SPATA17: variants seen among roughly 807,000 people sequenced by gnomAD.
SPATA17 encodes spermatogenesis associated 17.
A neutral mutation model predicts 62.2 loss-of-function variants in SPATA17; 53 were observed. The observed-to-expected ratio is 0.85, with a 90% CI of 0.68 to 1.07. The LOEUF is 1.07. Among genes scored for constraint, SPATA17 ranks in the 50% least tolerant of loss-of-function variants. SPATA17 has a pLI of 0.00. For synonymous variants in SPATA17, 146 were observed against 146.8 expected, an observed-to-expected ratio of 0.99 and a Z score of 0.04; for missense variants, 466 against 425.5, an observed-to-expected ratio of 1.10 and a Z score of -0.84.
At chr1:217,777,653 C>T (rs1015199714) in intron 7 of SPATA17, among the ~76,000 whole-genome samples, 18 of 152,124 alleles carry the variant, frequency 1.2e-4, no homozygotes, top group African/African-American at 4.1e-4. Flanking sequence ...CTGCCTGTCT[C>T]GGCCTCCTAA....
intron 6 of SPATA17, among the ~76,000 whole-genome samples, chr1:217,754,322 A>G (rs1558036770): frequency 6.6e-6 from 1 of 152,196 alleles, no homozygotes; most frequent in Non-Finnish European, 1.5e-5. Context: ...ATTGGTTAGA[A>G]GAGATTAAGC....
intron 5 of SPATA17, 84 bp downstream of exon 5, chr1:217,683,445 A>ATT (rs71301099): frequency 7.7e-6 from 7 of 907,428 alleles, no homozygotes; most frequent in South Asian, 1.4e-5. Flanking sequence ...AGTTAGAAAT[A>ATT]TTTTTTTGTT....
chr1:217,759,480 A>T (rs10863345), intron 6 of SPATA17, among the ~76,000 whole-genome samples: 37,157 of 151,916 alleles, frequency 0.24, 4,901 homozygotes, highest in East Asian at 0.52. Context: ...GAAAAAGTAG[A>T]TGAGTACCAC....
rs376189642 is a variant in SPATA17, at chr1:217,714,116, G to A, written c.396-27859G>A. ...TTTTTGAGAACCATCGGCTGGGCAC[G>A]GTGGCTCACGCCTATAATCCCAGCA... is the stretch of plus-strand genomic sequence containing the variant. On this transcript the variant is annotated intron_variant, in intron 5 of 10. Transcript: ENST00000366933. Among the ~76,000 whole-genome samples, 18 of 152,244 alleles carry A rather than the reference G, an allele frequency of 1.2e-4. No individual in the cohort carries two copies. In the South Asian group the frequency reaches 1.7e-3, roughly 14 times the overall value.
At chr1:217,738,191 A>G (rs1672554848) in intron 5 of SPATA17, among the ~76,000 whole-genome samples, 1 of 152,178 alleles carries the variant, frequency 6.6e-6, no homozygotes, top group Non-Finnish European at 1.5e-5. Context: ...CCCTCAGAGT[A>G]GTAGGTGGAG....
intron 9 of SPATA17, among the ~76,000 whole-genome samples, chr1:217,830,853 G>A (rs1675125319): frequency 6.6e-6 from 1 of 152,084 alleles, no homozygotes; most frequent in African/African-American, 2.4e-5. Context: ...AAGTTAAAAG[G>A]TTAACAAATG....
rs1257064855 is a variant in SPATA17, at chr1:217,695,910, G to T, written c.395+12549G>T. ...GCTCTCTTCAAAGCTGTCAGACAGGGACATTTAAGTCTGCAGAGGTTACTG... is the reference window on the plus strand; with the variant it reads ...GCTCTCTTCAAAGCTGTCAGACAGGTACATTTAAGTCTGCAGAGGTTACTG... On this transcript the variant is annotated intron_variant, in intron 5 of 10. Coordinates refer to ENST00000366933, the MANE Select transcript of SPATA17 (RefSeq NM_138796.4). Among the ~76,000 whole-genome samples the T allele has an allele frequency of 5.1e-5, 7 of 138,286 alleles. No individual in the cohort carries two copies. The South Asian group carries it at 1.7e-3, about 34-fold the overall frequency. The allele number at this position is 138,286 out of a possible 152,430, so 90.7% of individuals were successfully genotyped here. A position where few individuals can be genotyped will look rare whatever the true frequency, so the allele number is the denominator to read the frequency against.
intron 5 of SPATA17, among the ~76,000 whole-genome samples, chr1:217,693,580 TG>T (rs1405509183): frequency 7.9e-6 from 1 of 127,248 alleles, no homozygotes; most frequent in African/African-American, 3.0e-5. Context: ...TTAATTGTGA[TG>T]TTACGGTGTC....
At chr1:217,749,524 A>T (rs1020423760) in intron 6 of SPATA17, among the ~76,000 whole-genome samples, 2 of 151,786 alleles carry the variant, frequency 1.3e-5, no homozygotes, top group African/African-American at 4.8e-5. Flanking sequence ...AACTATCCCC[A>T]GTTATCCAGG....
At position 217,774,547 on chromosome 1, in the gene SPATA17, T is replaced by A; in HGVS notation, c.723+10T>A. On this transcript the variant is annotated intron_variant, in intron 7 of 10. Coordinates refer to ENST00000366933, the MANE Select transcript of SPATA17 (RefSeq NM_138796.4). ...TAGAAAGCAATGTCAGGTACTAGTT[T>A]GCTGTATAAGAATTCTGTCATTAAT... 2 of 1,610,374 alleles carry A rather than the reference T, an allele frequency of 1.2e-6. No individual in the cohort carries two copies. Among genetic ancestry groups the A allele is most frequent in the Non-Finnish European group, 1.7e-6 (2 of 1,177,382 alleles).
At chr1:217,774,571 A>T in intron 7 of SPATA17, 34 bp downstream of exon 7, 1 of 1,583,142 alleles carries the variant, frequency 6.3e-7, no homozygotes, top group African/African-American at 1.4e-5. Flanking sequence ...TCTGTCATTA[A>T]TTTTATTCTT....
At chr1:217,805,078 G>T (rs923673979) in intron 9 of SPATA17, among the ~76,000 whole-genome samples, 1 of 152,156 alleles carries the variant, frequency 6.6e-6, no homozygotes, top group Non-Finnish European at 1.5e-5. Flanking sequence ...GATATCTGCA[G>T]CCCCATGTTT....
chr1:217,850,104 T>A lies in SPATA17; in HGVS notation c.1006-12670T>A, dbSNP rs112539030. On this transcript the variant is annotated intron_variant, in intron 9 of 10. Transcript: ENST00000366933. ...AATGCGGGGAGGTGGGATGCATTTC[T>A]GAGAGGATGAGACAGGGCAAGAAAT... 6.4e-3 allele frequency among the ~76,000 whole-genome samples: 967 copies of A among 152,274 alleles called. 5 individuals are homozygous for A. Among genetic ancestry groups the A allele is most frequent in the African/African-American group, 0.022 (902 of 41,576 alleles).
chr1:217,724,995 G>A (rs1415844985), intron 5 of SPATA17, among the ~76,000 whole-genome samples: 1 of 151,934 alleles, frequency 6.6e-6, no homozygotes, highest in African/African-American at 2.4e-5. Context: ...TTCTTTATAT[G>A]GTTATATTTA....
intron 8 of SPATA17, among the ~76,000 whole-genome samples, chr1:217,791,921 G>A (rs1443099304): frequency 3.3e-5 from 5 of 152,102 alleles, no homozygotes; most frequent in Non-Finnish European, 7.4e-5. Context: ...TGGTAATGGA[G>A]GGTAGAGAAA....
intron 9 of SPATA17, among the ~76,000 whole-genome samples, chr1:217,825,422 A>G (rs1157112619): frequency 4.6e-5 from 7 of 151,976 alleles, no homozygotes; most frequent in Middle Eastern, 3.4e-3. Flanking sequence ...TTTTATACAG[A>G]ACACTCATTG....
intron 9 of SPATA17, among the ~76,000 whole-genome samples, chr1:217,828,176 TA>T (rs1310676935): frequency 6.6e-6 from 1 of 152,080 alleles, no homozygotes; most frequent in East Asian, 1.9e-4. Flanking sequence ...GATTTAAAGT[TA>T]TATTACAAAA....
intron 6 of SPATA17, among the ~76,000 whole-genome samples, chr1:217,753,539 T>C (rs895601702): frequency 6.6e-6 from 1 of 152,036 alleles, no homozygotes. Flanking sequence ...TTCGGTGCCT[T>C]TTTTTAATTA....
At chr1:217,717,965 T>A (rs1396475726) in intron 5 of SPATA17, among the ~76,000 whole-genome samples, 2 of 152,174 alleles carry the variant, frequency 1.3e-5, no homozygotes, top group African/African-American at 4.8e-5. Flanking sequence ...CCCAAACTAA[T>A]GGGGTCATAA....
Sources: allele counts gnomAD v4.1 joint callset (sites outside exome capture counted in the v4.1 genomes callset), GRCh38; gene constraint gnomAD v4.1.1; transcripts MANE v1.5; gene names NCBI Gene and HGNC (gene_info 2026-07-23, HGNC 2026-07-21).